LRRC8D: variants seen among roughly 807,000 people sequenced by gnomAD.
LRRC8D encodes leucine rich repeat containing 8 VRAC subunit D.
Under a neutral mutation model 55.8 loss-of-function variants are expected in LRRC8D, and 20 were observed. That is an observed-to-expected ratio of 0.36 (90% confidence interval 0.25 to 0.52). LRRC8D has a LOEUF of 0.52. Among genes scored for constraint, LRRC8D ranks in the 20% least tolerant of loss-of-function variants. The pLI, the probability that LRRC8D is intolerant of heterozygous loss-of-function variation, is 0.93. For missense variants in LRRC8D, 651 were observed against 1,030.8 expected, an observed-to-expected ratio of 0.63 and a Z score of 5.05; for synonymous variants, 352 against 377.0, an observed-to-expected ratio of 0.93 and a Z score of 0.77.
At chr1:89,891,172 G>A (rs557686478) in intron 2 of LRRC8D, among the ~76,000 whole-genome samples, 2 of 152,258 alleles carry the variant, frequency 1.3e-5, no homozygotes, top group African/African-American at 2.4e-5. Context: ...GAGCCACCGC[G>A]CCTGGCCTCA....
chr1:89,877,214 TTC>T, intron 2 of LRRC8D, among the ~76,000 whole-genome samples: 1 of 151,846 alleles, frequency 6.6e-6, no homozygotes, highest in East Asian at 1.9e-4. Context: ...CTTCAAACAG[TTC>T]TTTCTCTCTC....
chr1:89,907,510 G>A (rs1386494343), intron 2 of LRRC8D, among the ~76,000 whole-genome samples: 4 of 152,034 alleles, frequency 2.6e-5, no homozygotes, highest in Non-Finnish European at 5.9e-5. Flanking sequence ...TTTAAATCGT[G>A]TATTGCCTAT....
chr1:89,924,234 A>G (rs1031340072), intron 2 of LRRC8D, among the ~76,000 whole-genome samples: 5 of 152,236 alleles, frequency 3.3e-5, no homozygotes, highest in Non-Finnish European at 7.3e-5. Context: ...CAAGCAAAAA[A>G]CAATCCCATT....
At chr1:89,897,313 A>T (rs1271522169) in intron 2 of LRRC8D, among the ~76,000 whole-genome samples, 1 of 152,186 alleles carries the variant, frequency 6.6e-6, no homozygotes, top group African/African-American at 2.4e-5. Context: ...TTTTAGGTTG[A>T]GTATTAAGGG....
In LRRC8D at chr1:89,890,933, G is replaced by C. The variant is rs540189211; in HGVS notation, c.-2-42134G>C. Among the ~76,000 whole-genome samples, 20 of 152,100 alleles carry C rather than the reference G, an allele frequency of 1.3e-4. No individual in the cohort carries two copies. The East Asian group carries it at 1.7e-3, about 13-fold the overall frequency. Reference sequence around the variant, plus strand: ...AGTCTTGCTGTGTCATCACTCTGGAGTGCAGTGGGGCGATTTCGGCACACT... The same window carrying C: ...AGTCTTGCTGTGTCATCACTCTGGACTGCAGTGGGGCGATTTCGGCACACT... On this transcript the variant is annotated intron_variant, in intron 2 of 2. Transcript: ENST00000337338.
At chr1:89,901,588 CCT>C (rs1305172142) in intron 2 of LRRC8D, among the ~76,000 whole-genome samples, 2 of 152,168 alleles carry the variant, frequency 1.3e-5, no homozygotes, top group African/African-American at 2.4e-5. Flanking sequence ...TTCATGCCTG[CCT>C]CTCTGTATCT....
intron 2 of LRRC8D, among the ~76,000 whole-genome samples, chr1:89,900,923 C>G (rs17130923): frequency 0.027 from 4,101 of 152,242 alleles, 181 homozygotes; most frequent in African/African-American, 0.095. Flanking sequence ...GCCATGGCGA[C>G]TGGAGGCCAG....
At chr1:89,870,495 T>C (rs1661979651) in intron 2 of LRRC8D, among the ~76,000 whole-genome samples, 1 of 151,792 alleles carries the variant, frequency 6.6e-6, no homozygotes, top group South Asian at 2.1e-4. Context: ...AAGAAGAAGA[T>C]AGAAACTAAA....
chr1:89,874,443 T>TGTG (rs1662100157), intron 2 of LRRC8D, among the ~76,000 whole-genome samples: 1 of 146,296 alleles, frequency 6.8e-6, no homozygotes, highest in Non-Finnish European at 1.5e-5. Context: ...AAGAAACTAT[T>TGTG]TGTGTGTGTG....
intron 2 of LRRC8D, among the ~76,000 whole-genome samples, chr1:89,859,190 A>G (rs1231131553): frequency 6.6e-6 from 1 of 152,190 alleles, no homozygotes; most frequent in Non-Finnish European, 1.5e-5. Context: ...ATTACAAGTC[A>G]TAATAGTAGA....
intron 2 of LRRC8D, among the ~76,000 whole-genome samples, chr1:89,875,328 C>A (rs1185791464): frequency 6.6e-6 from 1 of 152,066 alleles, no homozygotes; most frequent in Non-Finnish European, 1.5e-5. Flanking sequence ...AATAGGTGTC[C>A]ATTAAATGTT....
chr1:89,885,086 G>A (rs1662384659), intron 2 of LRRC8D, among the ~76,000 whole-genome samples: 1 of 152,130 alleles, frequency 6.6e-6, no homozygotes, highest in Admixed American at 6.5e-5. Context: ...CCTATTTTAT[G>A]TTATTGTGAA....
intron 1 of LRRC8D, among the ~76,000 whole-genome samples, chr1:89,837,635 G>A (rs947015662): frequency 6.6e-6 from 1 of 152,190 alleles, no homozygotes; most frequent in Non-Finnish European, 1.5e-5. Flanking sequence ...ACCTCATAGG[G>A]TTGTTGTCAG....
At chr1:89,827,265 A>C (rs1660785905) in intron 1 of LRRC8D, among the ~76,000 whole-genome samples, 1 of 150,670 alleles carries the variant, frequency 6.6e-6, no homozygotes, top group African/African-American at 2.5e-5. Context: ...CAGGAGAATC[A>C]CTTGAACTCA....
intron 2 of LRRC8D, among the ~76,000 whole-genome samples, chr1:89,926,658 T>C (rs1663572650): frequency 6.6e-6 from 1 of 152,182 alleles, no homozygotes; most frequent in Non-Finnish European, 1.5e-5. Context: ...CTCAGAGAGG[T>C]CATTTAAGCT....
At chr1:89,831,116 G>C (rs368614156) in intron 1 of LRRC8D, among the ~76,000 whole-genome samples, 1 of 152,064 alleles carries the variant, frequency 6.6e-6, no homozygotes, top group Admixed American at 6.5e-5. Flanking sequence ...ATGTTGGCCA[G>C]GCTGGTCTCG....
At chr1:89,914,327 C>T (rs1224618648) in intron 2 of LRRC8D, among the ~76,000 whole-genome samples, 2 of 152,192 alleles carry the variant, frequency 1.3e-5, no homozygotes, top group Admixed American at 6.5e-5. Context: ...CCTTGGTTCC[C>T]GCTCACGCCT....
intron 2 of LRRC8D, among the ~76,000 whole-genome samples, chr1:89,903,009 A>G (rs1662903172): frequency 2.6e-5 from 4 of 152,210 alleles, no homozygotes; most frequent in Admixed American, 2.0e-4. Flanking sequence ...GTGGACATGT[A>G]TGGGCTCACT....
intron 2 of LRRC8D, among the ~76,000 whole-genome samples, chr1:89,858,101 C>T (rs1557453778): frequency 6.6e-6 from 1 of 152,154 alleles, no homozygotes; most frequent in Non-Finnish European, 1.5e-5. Flanking sequence ...TGGTGGCAAG[C>T]ACCTGTAGTC....
Sources: allele counts gnomAD v4.1 joint callset (sites outside exome capture counted in the v4.1 genomes callset), GRCh38; gene constraint gnomAD v4.1.1; transcripts MANE v1.5; gene names NCBI Gene and HGNC (gene_info 2026-07-23, HGNC 2026-07-21).